The following HADH variants were observed in gnomAD, a reference collection of about 807,000 sequenced individuals.
The protein encoded by HADH is hydroxyacyl-CoA dehydrogenase.
In HADH, 24 loss-of-function variants were observed where a neutral mutation model predicts 32.2. That is an observed-to-expected ratio of 0.75 (90% confidence interval 0.54 to 1.05). The LOEUF (loss-of-function observed/expected upper bound fraction) is 1.05, where lower values mean the gene tolerates loss of function less well. Among genes scored for constraint, HADH ranks in the 50% least tolerant of loss-of-function variants. HADH has a pLI of 0.00. For missense variants in HADH, 350 were observed against 397.1 expected (o/e 0.88, Z 1.01); for synonymous variants, 139 against 152.5 (o/e 0.91, Z 0.65).
At chr4:108,004,995 TC>T in intron 1 of HADH, 1 of 1,074,568 alleles carries the variant, frequency 9.3e-7, no homozygotes, top group Admixed American at 2.1e-5. Flanking sequence ...AATACTGTAT[TC>T]AGTTTAAATG....
intron 3 of HADH, among the ~76,000 whole-genome samples, chr4:108,016,099 G>T (rs1249453940): frequency 1.3e-5 from 2 of 152,134 alleles, no homozygotes; most frequent in East Asian, 3.9e-4. Context: ...TTAGCTGGCT[G>T]GCTTCCTGGT....
rs561497142 is a variant in HADH, at chr4:108,020,511, T to A, written c.546+845T>A. Reference sequence around the variant, plus strand: ...AAAGTAAAAAAATAAAACCAGCTTCTGATAGCCTTGAGCCTCCTGACCATA... The same window carrying A: ...AAAGTAAAAAAATAAAACCAGCTTCAGATAGCCTTGAGCCTCCTGACCATA... On this transcript the variant is annotated intron_variant, in intron 4 of 7. Transcript: ENST00000309522. Among the ~76,000 whole-genome samples the A allele has an allele frequency of 7.2e-3, 1,103 of 152,198 alleles. 10 individuals carry two copies. Among genetic ancestry groups the A allele is most frequent in the Non-Finnish European group, 0.013 (913 of 68,002 alleles).
chr4:108,024,829 A>G (rs1211136031), intron 5 of HADH: 3 of 152,266 alleles, frequency 2.0e-5, no homozygotes, highest in Non-Finnish European at 4.4e-5. Flanking sequence ...TTAATCTACA[A>G]AGTAATGATT....
At chr4:107,996,593 T>C (rs1734964633) in intron 1 of HADH, among the ~76,000 whole-genome samples, 1 of 151,996 alleles carries the variant, frequency 6.6e-6, no homozygotes, top group Admixed American at 6.6e-5. Context: ...TTAATTTAAC[T>C]GTTTGAAGAA....
intron 2 of HADH, among the ~76,000 whole-genome samples, chr4:108,012,938 C>G (rs1735549039): frequency 6.6e-6 from 1 of 152,090 alleles, no homozygotes; most frequent in Admixed American, 6.5e-5. Context: ...CCCTTATATT[C>G]TTTTTTGTTG....
chr4:108,020,115 T>C (rs1013075637), intron 4 of HADH, among the ~76,000 whole-genome samples: 4 of 152,196 alleles, frequency 2.6e-5, no homozygotes, highest in African/African-American at 9.7e-5. Context: ...CCCCATGTAA[T>C]GGTGCCTTAG....
At chr4:108,031,629 G>C (rs978859421) in intron 6 of HADH, 1 of 152,160 alleles carries the variant, frequency 6.6e-6, no homozygotes, top group East Asian at 1.9e-4. Flanking sequence ...CCAGGCATGG[G>C]GGTGGTTTTG....
chr4:107,999,136 T>C (rs1735041099), intron 1 of HADH, among the ~76,000 whole-genome samples: 1 of 152,194 alleles, frequency 6.6e-6, no homozygotes, highest in African/African-American at 2.4e-5. Context: ...TCTGTGGCCA[T>C]CTCTGACCTG....
intron 6 of HADH, chr4:108,030,444 G>C (rs549592448): frequency 3.3e-5 from 5 of 152,374 alleles, no homozygotes; most frequent in African/African-American, 1.2e-4. Context: ...GCTGTGTAGG[G>C]CGGGCACATA....
At chr4:108,018,069 C>CA (rs1735753021) in intron 3 of HADH, among the ~76,000 whole-genome samples, 2 of 152,150 alleles carry the variant, frequency 1.3e-5, no homozygotes, top group African/African-American at 4.8e-5. Flanking sequence ...TTTATTTTAC[C>CA]AAATGTGCCC....
intron 3 of HADH, 31 bp from the exon 4 acceptor site, chr4:108,019,509 C>G: frequency 6.2e-7 from 1 of 1,604,876 alleles, no homozygotes. Context: ...GAGATTCACT[C>G]TGATACTCCC....
intron 5 of HADH, 157 bp from the exon 6 acceptor site, chr4:108,027,531 G>C: frequency 1.4e-6 from 1 of 697,868 alleles, no homozygotes; most frequent in Non-Finnish European, 2.6e-6. Context: ...TGTCATATGA[G>C]ATAGAAATAA....
Position 108,033,168 on chromosome 4 carries a change from C to T in HADH, c.710-8C>T. 1 of 1,459,468 alleles carries T rather than the reference C, an allele frequency of 6.9e-7. No homozygotes were observed. Among genetic ancestry groups the T allele is most frequent in the African/African-American group, 1.4e-5 (1 of 71,926 alleles). 90.4% of individuals were successfully genotyped at this position (1,459,468 alleles called of 1,614,324 possible). A position where few individuals can be genotyped will look rare whatever the true frequency, so the allele number is the denominator to read the frequency against. ...GGTGGTGACCCAGTGCTGCCGTTTT[C>T]TCCTTAGGTGACGCATCCAAAGAAG... On this transcript the variant is annotated splice_region_variant and splice_polypyrimidine_tract_variant and intron_variant, in intron 6 of 7. Coordinates refer to ENST00000309522, the MANE Select transcript of HADH (RefSeq NM_005327.7).
chr4:108,003,827 CAAAA>C (rs1393941780), intron 1 of HADH, among the ~76,000 whole-genome samples: 2 of 133,804 alleles, frequency 1.5e-5, no homozygotes, highest in Non-Finnish European at 3.2e-5. Flanking sequence ...AAAAAAAAAA[CAAAA>C]AAAAAACCCG....
chr4:107,995,653 A>G (rs1326017640), intron 1 of HADH, among the ~76,000 whole-genome samples: 1 of 152,216 alleles, frequency 6.6e-6, no homozygotes, highest in Non-Finnish European at 1.5e-5. Context: ...TGTGACCATT[A>G]CAATAATCAC....
chr4:108,007,631 A>G (rs1735334185), intron 1 of HADH, among the ~76,000 whole-genome samples: 1 of 152,198 alleles, frequency 6.6e-6, no homozygotes, highest in South Asian at 2.1e-4. Flanking sequence ...AAATGAGAGA[A>G]AGGAATAGCC....
At chr4:108,019,234 G>A (rs1328638340) in intron 3 of HADH, among the ~76,000 whole-genome samples, 1 of 152,170 alleles carries the variant, frequency 6.6e-6, no homozygotes, top group African/African-American at 2.4e-5. Flanking sequence ...ACATACCTTG[G>A]AAGTTAACTA....
intron 5 of HADH, 143 bp downstream of exon 5, chr4:108,023,706 TC>T (rs1468919274): frequency 2.9e-6 from 2 of 696,010 alleles, no homozygotes; most frequent in Non-Finnish European, 5.3e-6. Context: ...TAAAGAGCAA[TC>T]CGTGCCTCCT....
intron 1 of HADH, among the ~76,000 whole-genome samples, chr4:108,009,084 T>A (rs1382267534): frequency 6.6e-6 from 1 of 152,204 alleles, no homozygotes; most frequent in African/African-American, 2.4e-5. Context: ...AATTAGCTGA[T>A]CCCAAAGACT....
Sources: allele counts gnomAD v4.1 joint callset (sites outside exome capture counted in the v4.1 genomes callset), GRCh38; gene constraint gnomAD v4.1.1; transcripts MANE v1.5; gene names NCBI Gene and HGNC (gene_info 2026-07-23, HGNC 2026-07-21).